NDRG1: variants seen among roughly 807,000 people sequenced by gnomAD.
NDRG1 encodes protein NDRG1.
In NDRG1, 32 loss-of-function variants were observed where a neutral mutation model predicts 56.9. That is an observed-to-expected ratio of 0.56 (90% CI 0.42 to 0.76). The LOEUF is 0.76. Among genes scored for constraint, NDRG1 ranks in the 30% least tolerant of loss-of-function variants. The pLI, the probability that NDRG1 is intolerant of heterozygous loss-of-function variation, is 0.00. For missense variants in NDRG1, 507 were observed against 545.7 expected, an observed-to-expected ratio of 0.93 and a Z score of 0.71; for synonymous variants, 211 against 204.1, an observed-to-expected ratio of 1.03 and a Z score of -0.29.
At chr8:133,288,277 A>AG (rs1858238552) in intron 1 of NDRG1, 1 of 152,244 alleles carries the variant, frequency 6.6e-6, no homozygotes, top group Non-Finnish European at 1.5e-5. Flanking sequence ...GCTGCAGCAC[A>AG]GGGGCTGGAG....
chr8:133,273,857 GA>G (rs1442495930), intron 3 of NDRG1, among the ~76,000 whole-genome samples: 1 of 152,098 alleles, frequency 6.6e-6, no homozygotes, highest in Non-Finnish European at 1.5e-5. Flanking sequence ...TTGGACTCTA[GA>G]ATTCTAGCCA....
intron 1 of NDRG1, among the ~76,000 whole-genome samples, chr8:133,286,390 T>C (rs776460411): frequency 3.9e-5 from 6 of 152,204 alleles, no homozygotes; most frequent in South Asian, 4.1e-4. Flanking sequence ...CATTAGGACA[T>C]AGTGTCTGTC....
intron 1 of NDRG1, among the ~76,000 whole-genome samples, chr8:133,285,419 C>A (rs1858054017): frequency 6.6e-6 from 1 of 152,182 alleles, no homozygotes; most frequent in Non-Finnish European, 1.5e-5. Flanking sequence ...AAACGCCTGA[C>A]CAAAGCCCTC....
At chr8:133,288,070 T>G (rs920730790) in intron 1 of NDRG1, among the ~76,000 whole-genome samples, 3 of 152,104 alleles carry the variant, frequency 2.0e-5, no homozygotes, top group Non-Finnish European at 4.4e-5. Flanking sequence ...CATACATACA[T>G]TCTCACAAAC....
intron 7 of NDRG1, 90 bp from the exon 8 acceptor site, chr8:133,256,953 C>T (rs1856408922): frequency 3.1e-6 from 4 of 1,301,542 alleles, no homozygotes; most frequent in South Asian, 2.5e-5. Context: ...GAGAGAAGTA[C>T]CCAGAAAAAG....
chr8:133,282,360 A>C (rs1327456861), intron 2 of NDRG1, among the ~76,000 whole-genome samples: 1 of 152,256 alleles, frequency 6.6e-6, no homozygotes, highest in Non-Finnish European at 1.5e-5. Context: ...ACATGTGTTC[A>C]TATACTGGGC....
Position 133,262,118 on chromosome 8 carries a change from G to A in NDRG1, c.255C>T (p.Ile85=). Residue 85 remains isoleucine (I), a synonymous_variant, in exon 5 of 16, where the codon ATC becomes ATT. Transcript: ENST00000323851. ...CGTGGCAGACGGCAAAGTGCTGGGTGATCTCCTGCATGTCCTCGTAGTTGA... is the reference window on the plus strand; with the variant it reads ...CGTGGCAGACGGCAAAGTGCTGGGTAATCTCCTGCATGTCCTCGTAGTTGA... ...PLFNYEDMQE[I]TQHFAVCHVD... The A allele has an allele frequency of 6.2e-7, 1 of 1,614,168 alleles. No homozygotes were observed. Among genetic ancestry groups the A allele is most frequent in the Non-Finnish European group, 8.5e-7 (1 of 1,180,040 alleles).
intron 12 of NDRG1, among the ~76,000 whole-genome samples, chr8:133,247,054 T>C (rs1855726874): frequency 6.6e-6 from 1 of 152,246 alleles, no homozygotes; most frequent in South Asian, 2.1e-4. Flanking sequence ...ATCTAACAAC[T>C]ATTCTTCATG....
chr8:133,282,913 G>C (rs1417974866), intron 2 of NDRG1, among the ~76,000 whole-genome samples: 17 of 152,200 alleles, frequency 1.1e-4, no homozygotes, highest in Admixed American at 1.1e-3. Context: ...CAGCTATCTG[G>C]ATGAACTTGA....
At chr8:133,258,237 A>C (rs1274496196) in intron 7 of NDRG1, 129 bp downstream of exon 7, 2 of 927,254 alleles carry the variant, frequency 2.2e-6, no homozygotes, top group Non-Finnish European at 1.7e-6. Context: ...ACACACACAC[A>C]CACACACAAC....
intron 14 of NDRG1, 133 bp downstream of exon 14, chr8:133,244,222 T>G: frequency 8.6e-7 from 1 of 1,162,594 alleles, no homozygotes; most frequent in South Asian, 1.3e-5. Flanking sequence ...ATATAGCACC[T>G]TTTCCCAACA....
chr8:133,238,663 C>T lies in NDRG1; in HGVS notation c.*215G>A. 1.6e-6 allele frequency: 1 copy of T among 614,612 alleles called. No individual in the cohort carries two copies. The highest frequency in any genetic ancestry group is 2.8e-6 in the Non-Finnish European group (1 of 354,588). 38.1% of individuals were successfully genotyped at this position (614,612 alleles called of 1,614,324 possible). A position where few individuals can be genotyped will look rare whatever the true frequency, so the allele number is the denominator to read the frequency against. On this transcript the variant is annotated 3_prime_UTR_variant, in exon 16 of 16. Coordinates refer to ENST00000323851, the MANE Select transcript of NDRG1 (RefSeq NM_006096.4). ...TGGAAGAGGATGCGATGCGGAGATG[C>T]TTGCTTCCTTCCTTTGGTCCACCGC...
chr8:133,248,068 C>A (rs1855791979), intron 11 of NDRG1, 142 bp from the exon 12 acceptor site: 5 of 773,516 alleles, frequency 6.5e-6, no homozygotes, highest in South Asian at 1.5e-5. Context: ...TTACTTCATT[C>A]TCCTTTGATC....
intron 1 of NDRG1, among the ~76,000 whole-genome samples, chr8:133,290,496 C>T (rs2130808603): frequency 6.6e-6 from 1 of 152,304 alleles, no homozygotes; most frequent in African/African-American, 2.4e-5. Flanking sequence ...AGTCAGCAAG[C>T]ATCAAGCTGG....
Position 133,248,780 on chromosome 8 carries a change from A to C in NDRG1, c.699-9T>G. 6.2e-7 allele frequency: 1 copy of C among 1,614,138 alleles called. No homozygotes were observed. The highest frequency in any genetic ancestry group is 8.5e-7 in the Non-Finnish European group (1 of 1,180,046). ...TCTCCAGGTCGCGCCGGCTGCAGGA[A>C]ACAAATGCATCATTAGCATGAGGAC... On this transcript the variant is annotated splice_polypyrimidine_tract_variant and intron_variant, in intron 10 of 15. Transcript: ENST00000323851.
intron 1 of NDRG1, among the ~76,000 whole-genome samples, chr8:133,289,184 G>C (rs1024923402): frequency 6.6e-6 from 1 of 152,158 alleles, no homozygotes; most frequent in Non-Finnish European, 1.5e-5. Context: ...CTGAGTAGCT[G>C]AGATTACAGG....
chr8:133,262,534 T>C (rs554113407), intron 4 of NDRG1, among the ~76,000 whole-genome samples: 1 of 152,222 alleles, frequency 6.6e-6, no homozygotes, highest in African/African-American at 2.4e-5. Context: ...CTGGGTCCAC[T>C]ATACCCTCCC....
At chr8:133,244,296 T>C (rs760151146) in intron 14 of NDRG1, 59 bp downstream of exon 14, 12 of 1,597,550 alleles carry the variant, frequency 7.5e-6, no homozygotes, top group East Asian at 2.2e-5. Flanking sequence ...CAGAGGCACA[T>C]GCACTCCACC....
At chr8:133,247,240 G>A (rs1855739456) in intron 12 of NDRG1, among the ~76,000 whole-genome samples, 1 of 152,282 alleles carries the variant, frequency 6.6e-6, no homozygotes, top group Non-Finnish European at 1.5e-5. Context: ...ATTATCTCCA[G>A]TCAGTCAGCC....
Sources: gnomAD v4.1 joint callset for allele counts (sites outside exome capture counted in the v4.1 genomes callset) on GRCh38, gnomAD v4.1.1 for gene constraint, MANE v1.5 for transcripts, NCBI Gene and HGNC (gene_info 2026-07-23, HGNC 2026-07-21) for gene names.